The following MGAT4C variants were observed in gnomAD, a reference collection of about 807,000 sequenced individuals.
The protein encoded by MGAT4C is alpha-1,3-mannosyl-glycoprotein 4-beta-N-acetylglucosaminyltransferase C.
In MGAT4C, 19 loss-of-function variants were observed where a neutral mutation model predicts 40.1. The ratio of observed to expected loss-of-function variants is 0.47; its 90% CI spans 0.33 to 0.70. The LOEUF (loss-of-function observed/expected upper bound fraction) is 0.70, where lower values mean the gene tolerates loss of function less well. MGAT4C is among the 30% of genes least tolerant of loss of function. The probability of loss-of-function intolerance (pLI) is 0.02; values close to 1 mark genes in which losing one functional copy is unlikely to be tolerated. For missense variants in MGAT4C, 491 were observed against 563.2 expected, an observed-to-expected ratio of 0.87 and a Z score of 1.30; for synonymous variants, 181 against 187.1, an observed-to-expected ratio of 0.97 and a Z score of 0.27.
intron 2 of MGAT4C, among the ~76,000 whole-genome samples, chr12:86,596,923 C>A (rs915600587): frequency 6.6e-6 from 1 of 152,170 alleles, no homozygotes; most frequent in African/African-American, 2.4e-5. Context: ...CTGACCATAA[C>A]AGCATGGAAA....
chr12:86,233,650 G>T (rs941068835), intron 1 of MGAT4C, among the ~76,000 whole-genome samples: 4 of 151,880 alleles, frequency 2.6e-5, no homozygotes, highest in African/African-American at 9.7e-5. Flanking sequence ...TTTCACTTAT[G>T]GTTTTTTTTC....
chr12:86,539,023 T>A (rs911048866), intron 2 of MGAT4C, among the ~76,000 whole-genome samples: 3 of 151,892 alleles, frequency 2.0e-5, no homozygotes, highest in Non-Finnish European at 4.4e-5. Flanking sequence ...TTCTAAAAAC[T>A]TTTTTTTAAT....
intron 1 of MGAT4C, among the ~76,000 whole-genome samples, chr12:86,105,725 A>G (rs1006125181): frequency 2.6e-5 from 4 of 152,188 alleles, no homozygotes; most frequent in Admixed American, 2.6e-4. Context: ...CAATTCAGTG[A>G]GTAAATTTTT....
At chr12:86,036,663 G>A (rs1315378582) in intron 2 of MGAT4C, among the ~76,000 whole-genome samples, 1 of 149,970 alleles carries the variant, frequency 6.7e-6, no homozygotes, top group Non-Finnish European at 1.5e-5. Context: ...GACTGTGGTG[G>A]ATAAGCTTTT....
chr12:86,489,641 G>A (rs1353378666), intron 2 of MGAT4C, among the ~76,000 whole-genome samples: 1 of 152,158 alleles, frequency 6.6e-6, no homozygotes, highest in Non-Finnish European at 1.5e-5. Context: ...AACTCCTGCT[G>A]GCACTGAAGC....
At chr12:86,256,073 CT>C (rs1592601348) in intron 1 of MGAT4C, among the ~76,000 whole-genome samples, 165 bp downstream of exon 1, 2 of 152,052 alleles carry the variant, frequency 1.3e-5, no homozygotes, top group East Asian at 3.9e-4. Context: ...TTAGCAAGCT[CT>C]TTTTTTAATT....
chr12:86,355,109 G>C (rs956348031), intron 3 of MGAT4C, among the ~76,000 whole-genome samples: 1 of 152,150 alleles, frequency 6.6e-6, no homozygotes, highest in African/African-American at 2.4e-5. Flanking sequence ...ACAGAGCACT[G>C]ATTGGTGCAT....
At chr12:86,777,418 T>C (rs1161560795) in intron 1 of MGAT4C, among the ~76,000 whole-genome samples, 1 of 152,218 alleles carries the variant, frequency 6.6e-6, no homozygotes, top group Non-Finnish European at 1.5e-5. Flanking sequence ...TTGCAGATAA[T>C]TTATCAGAAT....
intron 2 of MGAT4C, among the ~76,000 whole-genome samples, chr12:86,537,114 C>A (rs565138801): frequency 2.0e-5 from 3 of 151,374 alleles, no homozygotes; most frequent in Non-Finnish European, 4.4e-5. Flanking sequence ...AGCAAACTAT[C>A]GCAAGGACAA....
At chr12:86,724,541 T>A (rs979402596) in intron 2 of MGAT4C, among the ~76,000 whole-genome samples, 3 of 152,148 alleles carry the variant, frequency 2.0e-5, no homozygotes, top group Non-Finnish European at 2.9e-5. Flanking sequence ...ATTATGATAT[T>A]TTTTCACTAA....
chr12:86,058,099 G>T (rs1452868230), intron 1 of MGAT4C, among the ~76,000 whole-genome samples: 1 of 151,576 alleles, frequency 6.6e-6, no homozygotes, highest in African/African-American at 2.4e-5. Context: ...TTAACACAGT[G>T]AATATTTTTT....
intron 2 of MGAT4C, among the ~76,000 whole-genome samples, chr12:86,441,796 G>T (rs1353475560): frequency 6.6e-6 from 1 of 151,964 alleles, no homozygotes. Flanking sequence ...GAATAGTGCT[G>T]CAATAAACAT....
chr12:86,410,635 CG>C (rs1956585743), intron 3 of MGAT4C, among the ~76,000 whole-genome samples: 2 of 151,962 alleles, frequency 1.3e-5, no homozygotes, highest in South Asian at 4.1e-4. Flanking sequence ...CCTGAGGTGA[CG>C]TACATTCTCA....
intron 1 of MGAT4C, among the ~76,000 whole-genome samples, chr12:86,776,583 A>G (rs1183575820): frequency 6.6e-6 from 1 of 152,068 alleles, no homozygotes; most frequent in African/African-American, 2.4e-5. Flanking sequence ...TCTTTCTCAA[A>G]GTCTTGTATG....
At chr12:86,151,718 T>G (rs1334171314) in intron 1 of MGAT4C, among the ~76,000 whole-genome samples, 2 of 152,252 alleles carry the variant, frequency 1.3e-5, no homozygotes, top group Non-Finnish European at 2.9e-5. Context: ...ATATCATGTT[T>G]TAATTACTTT....
chr12:86,541,948 G>T (rs945628909), intron 2 of MGAT4C, among the ~76,000 whole-genome samples: 1 of 152,144 alleles, frequency 6.6e-6, no homozygotes, highest in Non-Finnish European at 1.5e-5. Context: ...TTATTAAAAT[G>T]TTCCCAATGA....
intron 4 of MGAT4C, among the ~76,000 whole-genome samples, chr12:86,280,935 A>C (rs1953204352): frequency 6.6e-6 from 1 of 151,946 alleles, no homozygotes; most frequent in Non-Finnish European, 1.5e-5. Flanking sequence ...TTGTTTAATG[A>C]TTATGGCAAT....
chr12:86,203,014 C>CTGTGTGTG lies in MGAT4C; in HGVS notation c.-57+53217_-57+53224dup, dbSNP rs10587166. ...GCTGCTAAGTATATGTCACATTTTC[C>CTGTGTGTG]TGTGTGTGTGTGTGTGTGTGTGTGT... is the stretch of plus-strand genomic sequence containing the variant. On this transcript the variant is annotated intron_variant, in intron 1 of 4. Transcript: ENST00000611864. 7.9e-3 allele frequency among the ~76,000 whole-genome samples: 1,163 copies of CTGTGTGTG among 147,452 alleles called. 5 individuals are homozygous for CTGTGTGTG. The highest frequency in any genetic ancestry group is 9.9e-3 in the African/African-American group (394 of 39,936).
intron 2 of MGAT4C, among the ~76,000 whole-genome samples, chr12:86,604,291 C>G (rs760635961): frequency 2.0e-5 from 3 of 152,086 alleles, no homozygotes; most frequent in African/African-American, 7.2e-5. Context: ...TTCTAGGTCT[C>G]TCTATTCTAG....
Sources: allele counts gnomAD v4.1 joint callset (sites outside exome capture counted in the v4.1 genomes callset), GRCh38; gene constraint gnomAD v4.1.1; transcripts MANE v1.5; gene names NCBI Gene and HGNC (gene_info 2026-07-23, HGNC 2026-07-21).